The following SLC9B1 variants were observed in gnomAD, a reference collection of about 807,000 sequenced individuals.
SLC9B1 encodes the protein solute carrier family 9 member B1.
Under a neutral mutation model 51.7 loss-of-function variants are expected in SLC9B1, and 32 were observed. That is an observed-to-expected ratio of 0.62 (90% CI 0.47 to 0.83). The LOEUF (loss-of-function observed/expected upper bound fraction) is 0.83. SLC9B1 is among the 40% of genes least tolerant of loss of function. SLC9B1 has a pLI of 0.00. For synonymous variants in SLC9B1, 145 were observed against 212.7 expected, an observed-to-expected ratio of 0.68 and a Z score of 2.77; for missense variants, 406 against 613.2, an observed-to-expected ratio of 0.66 and a Z score of 3.57.
At chr4:102,997,185 T>A (rs1183999009) in intron 1 of SLC9B1, among the ~76,000 whole-genome samples, 1 of 152,188 alleles carries the variant, frequency 6.6e-6, no homozygotes, top group Non-Finnish European at 1.5e-5. Context: ...TATTTCCACA[T>A]ACATTTTAGG....
Position 102,951,873 on chromosome 4 carries a change from CAAATGAGTT to C in SLC9B1, c.212-2455_212-2447del, listed in dbSNP as rs535565164. Among the ~76,000 whole-genome samples the C allele has an allele frequency of 1.5e-3, 211 of 144,168 alleles. 2 individuals carry two copies. The highest frequency in any genetic ancestry group is 5.3e-3 in the African/African-American group (207 of 39,010). The allele number at this position is 144,168 out of a possible 152,430, so 94.6% of individuals were successfully genotyped here. A position where few individuals can be genotyped will look rare whatever the true frequency, so the allele number is the denominator to read the frequency against. The stretch of plus-strand genomic sequence containing the variant: ...TTTTATTGATTTGGACACAGGAAGT[CAAATGAGTT>C]CTAATCAGGATTAAGTAAAAATAGA... On this transcript the variant is annotated intron_variant, in intron 3 of 11. Coordinates refer to ENST00000296422, the MANE Select transcript of SLC9B1 (RefSeq NM_139173.4).
intron 1 of SLC9B1, among the ~76,000 whole-genome samples, chr4:103,009,090 G>A (rs1239636266): frequency 6.6e-6 from 1 of 152,132 alleles, no homozygotes; most frequent in African/African-American, 2.4e-5. Context: ...GAGCCACTGC[G>A]CCTGGCCAGG....
chr4:102,899,851 A>C (rs1405632424), downstream of SLC9B1, among the ~76,000 whole-genome samples: 1 of 152,190 alleles, frequency 6.6e-6, no homozygotes, highest in Non-Finnish European at 1.5e-5. Flanking sequence ...CTTTGTTGTA[A>C]AACTATAAGG....
intron 3 of SLC9B1, among the ~76,000 whole-genome samples, chr4:102,977,358 G>A (rs1739131378): frequency 6.6e-6 from 1 of 150,760 alleles, no homozygotes. Flanking sequence ...GAGTTTTCTA[G>A]TGAGAAGATG....
chr4:102,920,192 G>A (rs996710072), intron 7 of SLC9B1, among the ~76,000 whole-genome samples: 7 of 152,176 alleles, frequency 4.6e-5, no homozygotes, highest in Non-Finnish European at 8.8e-5. Context: ...CCTCTTGGAC[G>A]AAGCTTCCAG....
intron 3 of SLC9B1, among the ~76,000 whole-genome samples, chr4:102,966,767 G>A (rs868668743): frequency 2.0e-5 from 3 of 152,118 alleles, no homozygotes; most frequent in Non-Finnish European, 2.9e-5. Context: ...TTTAGTATTG[G>A]TTGTTCTGCT....
chr4:102,962,508 C>G, intron 3 of SLC9B1: 1 of 478,714 alleles, frequency 2.1e-6, no homozygotes, highest in Non-Finnish European at 4.3e-6. Flanking sequence ...TTCTACATTG[C>G]AGTTCAGGAG....
intron 11 of SLC9B1, chr4:102,891,766 AG>A (rs1734259398): frequency 6.6e-6 from 1 of 152,258 alleles, no homozygotes; most frequent in Admixed American, 6.5e-5. Context: ...TAAATAAAGC[AG>A]TAGCAATTTA....
chr4:103,001,702 A>G (rs534740201), intron 1 of SLC9B1, among the ~76,000 whole-genome samples: 1 of 152,256 alleles, frequency 6.6e-6, no homozygotes, highest in South Asian at 2.1e-4. Context: ...ATACTCCTCT[A>G]TTCTTCTGAG....
At chr4:103,000,993 G>A (rs1740496614) in intron 1 of SLC9B1, among the ~76,000 whole-genome samples, 2 of 152,172 alleles carry the variant, frequency 1.3e-5, no homozygotes, top group Admixed American at 1.3e-4. Flanking sequence ...CTTCTGCCTG[G>A]GCATCCAGTC....
intron 3 of SLC9B1, among the ~76,000 whole-genome samples, chr4:102,985,583 G>A (rs1293103111): frequency 6.6e-6 from 1 of 151,726 alleles, no homozygotes; most frequent in Non-Finnish European, 1.5e-5. Flanking sequence ...GAGTGCAGCG[G>A]TGTGATCTCG....
chr4:102,993,899 T>G (rs941379998), intron 1 of SLC9B1, among the ~76,000 whole-genome samples: 2 of 152,164 alleles, frequency 1.3e-5, no homozygotes, highest in Non-Finnish European at 2.9e-5. Flanking sequence ...TAGACATAGC[T>G]GGAGCTGAAG....
intron 1 of SLC9B1, among the ~76,000 whole-genome samples, chr4:103,011,324 C>G (rs1438770574): frequency 1.3e-5 from 2 of 152,202 alleles, no homozygotes; most frequent in Non-Finnish European, 2.9e-5. Flanking sequence ...GGGTTGAGCC[C>G]CCATGTCTCC....
At chr4:102,917,320 G>A (rs4382039) in intron 7 of SLC9B1, among the ~76,000 whole-genome samples, 88,146 of 151,164 alleles carry the variant, frequency 0.58, 27,007 homozygotes, top group African/African-American at 0.79. Context: ...CTCATTTTCC[G>A]GCTTATAGAT....
intron 6 of SLC9B1, among the ~76,000 whole-genome samples, chr4:102,937,353 G>A (rs769999870): frequency 1.4e-5 from 2 of 143,846 alleles, no homozygotes; most frequent in Non-Finnish European, 3.0e-5. Flanking sequence ...TGCCCACCTC[G>A]GCCTCTCAAA....
intron 3 of SLC9B1, 67 bp downstream of exon 3, chr4:102,989,733 T>C: frequency 8.7e-7 from 1 of 1,150,564 alleles, no homozygotes; most frequent in Non-Finnish European, 1.2e-6. Context: ...CTTTGTTGTC[T>C]CATGTTTTAA....
chr4:102,951,219 C>T (rs1168266256), intron 3 of SLC9B1, among the ~76,000 whole-genome samples: 1 of 152,042 alleles, frequency 6.6e-6, no homozygotes, highest in Non-Finnish European at 1.5e-5. Context: ...AGTTCTAAAC[C>T]TACCATAAAA....
intron 7 of SLC9B1, among the ~76,000 whole-genome samples, chr4:102,919,665 C>T (rs1380320163): frequency 2.6e-5 from 4 of 152,250 alleles, no homozygotes; most frequent in Non-Finnish European, 4.4e-5. Flanking sequence ...CAAGGGAAGC[C>T]GTGACAGACT....
intron 7 of SLC9B1, among the ~76,000 whole-genome samples, chr4:102,913,796 TAAA>T (rs61244946): frequency 4.2e-5 from 3 of 71,450 alleles, no homozygotes; most frequent in Non-Finnish European, 5.6e-5. Flanking sequence ...AGATAGAAAC[TAAA>T]AAAAAAAAAA....
Sources: allele counts gnomAD v4.1 joint callset (sites outside exome capture counted in the v4.1 genomes callset), GRCh38; gene constraint gnomAD v4.1.1; transcripts MANE v1.5; gene names NCBI Gene and HGNC (gene_info 2026-07-23, HGNC 2026-07-21).